Variants in FMN1 observed in about 807,000 individuals in gnomAD.
FMN1 encodes the protein formin-1.
FMN1 carries 110 observed loss-of-function variants against 132.4 expected under a neutral mutation model. The observed-to-expected ratio is 0.83, with a 90% CI of 0.71 to 0.97. FMN1 has a LOEUF of 0.97. Among genes scored for constraint, FMN1 ranks in the 50% least tolerant of loss-of-function variants. The pLI is 0.00. For missense variants in FMN1, 1,792 were observed against 1,705.3 expected (o/e 1.05, Z -0.90); for synonymous variants, 722 against 651.7 (o/e 1.11, Z -1.64).
Position 32,960,995 on chromosome 15 carries a change from C to CAAAAAAAAAAAAAAAA in FMN1, c.3138+3096_3138+3111dup, listed in dbSNP as rs539245532. On this transcript the variant is annotated intron_variant, in intron 9 of 20. Coordinates refer to ENST00000616417, the MANE Select transcript of FMN1 (RefSeq NM_001277313.2). Reference sequence around the variant, plus strand: ...AGATGACAAGAGTGAGACTCCGTCTCAAAAAAAAAAAAAAAAAAAAAAAAG... The same window carrying CAAAAAAAAAAAAAAAA: ...AGATGACAAGAGTGAGACTCCGTCTCAAAAAAAAAAAAAAAAAAAAAAAAAAAAAAAAAAAAAAAAG... 1.9e-4 allele frequency among the ~76,000 whole-genome samples: 11 copies of CAAAAAAAAAAAAAAAA among 59,094 alleles called. 2 individuals carry two copies. The East Asian group carries it at 6.6e-3, about 36-fold the overall frequency. The allele number at this position is 59,094 out of a possible 152,430, so 38.8% of individuals were successfully genotyped here. A position where few individuals can be genotyped will look rare whatever the true frequency, so the allele number is the denominator to read the frequency against.
At chr15:32,919,174 G>A (rs1036472980) in intron 10 of FMN1, among the ~76,000 whole-genome samples, 1 of 151,982 alleles carries the variant, frequency 6.6e-6, no homozygotes, top group Non-Finnish European at 1.5e-5. Flanking sequence ...GGTATTAAAT[G>A]AAGTTTTCTT....
intron 19 of FMN1, among the ~76,000 whole-genome samples, chr15:32,778,250 A>ATTTATATATTATATAATACATT (rs2056553865): frequency 7.1e-6 from 1 of 141,722 alleles, no homozygotes; most frequent in African/African-American, 2.6e-5. Flanking sequence ...TATAATACAT[A>ATTTATATATTATATAATACATT]TATGTATAAT....
chr15:33,020,160 A>G (rs2035338867), intron 6 of FMN1, among the ~76,000 whole-genome samples: 1 of 152,212 alleles, frequency 6.6e-6, no homozygotes. Context: ...AAGGTCTGGA[A>G]GCTCAGACTT....
In FMN1 at chr15:32,776,986, G is replaced by A. The variant is rs191490694; in HGVS notation, c.4131-67C>T. The A allele has an allele frequency of 3.6e-3, 3,567 of 981,676 alleles. 11 individuals carry two copies. Among genetic ancestry groups the A allele is most frequent in the Non-Finnish European group, 4.9e-3 (3,109 of 639,010 alleles). 60.8% of individuals were successfully genotyped at this position (981,676 alleles called of 1,614,324 possible). On this transcript the variant is annotated intron_variant, in intron 19 of 20. Transcript: ENST00000616417. ...GAAAGGAAGAGGGAAAAGGAAAGAA[G>A]AAAAGAGTTAAGGCAGGTTAAACAT...
In FMN1 at chr15:32,780,031, C is replaced by G. The variant is rs555906968; in HGVS notation, c.4131-3112G>C. On this transcript the variant is annotated intron_variant, in intron 19 of 20. Transcript: ENST00000616417. The stretch of plus-strand genomic sequence containing the variant: ...GCAGAATTAATTCTCAGCCCTATCA[C>G]TTATTAACTGTGTGACCCTGCACAA... Among the ~76,000 whole-genome samples, 91 of 152,306 alleles carry G rather than the reference C, an allele frequency of 6.0e-4. 1 individual carries two copies. The highest frequency in any genetic ancestry group is 2.1e-3 in the African/African-American group (89 of 41,566).
chr15:32,793,028 C>T (rs962804869), intron 19 of FMN1, among the ~76,000 whole-genome samples: 2 of 151,256 alleles, frequency 1.3e-5, no homozygotes, highest in African/African-American at 4.9e-5. Flanking sequence ...GTGTGTGGTA[C>T]GAAAAAGGAA....
At chr15:33,053,979 C>G (rs527526234) in intron 6 of FMN1, among the ~76,000 whole-genome samples, 3 of 152,254 alleles carry the variant, frequency 2.0e-5, no homozygotes, top group Admixed American at 6.5e-5. Context: ...TCACTGGACA[C>G]TGGTGAATGA....
At chr15:33,122,766 C>T (rs1355960435) in intron 4 of FMN1, among the ~76,000 whole-genome samples, 2 of 152,126 alleles carry the variant, frequency 1.3e-5, no homozygotes, top group Non-Finnish European at 2.9e-5. Context: ...AGATTGACCA[C>T]GGCAACAGAT....
intron 9 of FMN1, among the ~76,000 whole-genome samples, chr15:32,959,367 G>A (rs919892058): frequency 6.6e-6 from 1 of 152,170 alleles, no homozygotes; most frequent in Non-Finnish European, 1.5e-5. Flanking sequence ...TCTTGATGTT[G>A]GAAATCTGGC....
chr15:32,934,751 CG>C (rs2061218376), intron 9 of FMN1, among the ~76,000 whole-genome samples: 1 of 151,454 alleles, frequency 6.6e-6, no homozygotes, highest in African/African-American at 2.4e-5. Context: ...AGATTATAGG[CG>C]TCCCCTGCCA....
At chr15:33,004,308 A>G (rs1246781891) in intron 7 of FMN1, among the ~76,000 whole-genome samples, 1 of 152,234 alleles carries the variant, frequency 6.6e-6, no homozygotes, top group African/African-American at 2.4e-5. Flanking sequence ...ACAAAGGGCT[A>G]ATATCCAGAA....
At chr15:32,932,804 T>A (rs2061153473) in intron 9 of FMN1, among the ~76,000 whole-genome samples, 1 of 152,210 alleles carries the variant, frequency 6.6e-6, no homozygotes, top group East Asian at 1.9e-4. Context: ...CATAGTAGGT[T>A]CTTATAATCC....
chr15:32,878,820 T>C (rs2059696942), intron 16 of FMN1, among the ~76,000 whole-genome samples: 2 of 152,332 alleles, frequency 1.3e-5, no homozygotes, highest in Admixed American at 1.3e-4. Flanking sequence ...ATTTTATGTT[T>C]CTTGTCAAAG....
intron 2 of FMN1, among the ~76,000 whole-genome samples, chr15:33,187,871 G>A (rs1177618512): frequency 6.6e-6 from 1 of 152,202 alleles, no homozygotes; most frequent in Non-Finnish European, 1.5e-5. Flanking sequence ...TCATATACCT[G>A]TCTTTGTAGA....
In FMN1 at chr15:33,046,952, T is replaced by C. The variant is rs113940289; in HGVS notation, c.2161+18005A>G. Among the ~76,000 whole-genome samples the C allele has an allele frequency of 6.5e-3, 987 of 152,336 alleles. 10 individuals carry two copies. Among genetic ancestry groups the C allele is most frequent in the African/African-American group, 0.022 (916 of 41,564 alleles). ...TGGGCTTAGAACCTCATAAACCCGC[T>C]GTTCAAGCCAGTCTGGCAAACTGGT... On this transcript the variant is annotated intron_variant, in intron 6 of 20. Coordinates refer to ENST00000616417, the MANE Select transcript of FMN1 (RefSeq NM_001277313.2).
chr15:33,138,833 A>G (rs1216434826), intron 4 of FMN1, among the ~76,000 whole-genome samples: 1 of 152,206 alleles, frequency 6.6e-6, no homozygotes, highest in Non-Finnish European at 1.5e-5. Flanking sequence ...GGCTAGGAGC[A>G]GCATCCTTCC....
intron 6 of FMN1, among the ~76,000 whole-genome samples, chr15:33,054,500 C>T (rs974460198): frequency 1.3e-5 from 2 of 152,154 alleles, no homozygotes; most frequent in Non-Finnish European, 2.9e-5. Flanking sequence ...AAACTGGTTC[C>T]TGTAAGAAAA....
At chr15:32,851,803 T>TA (rs1244308369) in intron 17 of FMN1, among the ~76,000 whole-genome samples, 2 of 152,156 alleles carry the variant, frequency 1.3e-5, no homozygotes, top group Non-Finnish European at 2.9e-5. Context: ...GAAGAAAAAT[T>TA]AAATCATCAT....
intron 17 of FMN1, among the ~76,000 whole-genome samples, chr15:32,819,938 G>C (rs777722483): frequency 3.3e-5 from 5 of 152,128 alleles, no homozygotes; most frequent in Non-Finnish European, 7.4e-5. Flanking sequence ...GGACTGGCAA[G>C]AATAATCTGC....
Sources: gnomAD v4.1 joint callset for allele counts (sites outside exome capture counted in the v4.1 genomes callset) on GRCh38, gnomAD v4.1.1 for gene constraint, MANE v1.5 for transcripts, NCBI Gene and HGNC (gene_info 2026-07-23, HGNC 2026-07-21) for gene names.